The following GALNTL6 variants were observed in gnomAD, a reference collection of about 807,000 sequenced individuals.
The protein encoded by GALNTL6 is polypeptide N-acetylgalactosaminyltransferase-like 6.
GALNTL6 carries 46 observed loss-of-function variants against 73.7 expected under a neutral mutation model. That is an observed-to-expected ratio of 0.62 (90% confidence interval 0.49 to 0.80). The LOEUF (loss-of-function observed/expected upper bound fraction) is 0.80, where lower values mean the gene tolerates loss of function less well. Among genes scored for constraint, GALNTL6 ranks in the 30% least tolerant of loss-of-function variants. The pLI, the probability that GALNTL6 is intolerant of heterozygous loss-of-function variation, is 0.00. For missense variants in GALNTL6, 604 were observed against 755.0 expected (o/e 0.80, Z 2.34); for synonymous variants, 259 against 263.7 (o/e 0.98, Z 0.17).
chr4:172,378,091 C>T (rs554537152), intron 5 of GALNTL6, among the ~76,000 whole-genome samples: 3 of 152,342 alleles, frequency 2.0e-5, no homozygotes, highest in African/African-American at 7.2e-5. Flanking sequence ...CACGTTGTCA[C>T]CTCTCACTGT....
chr4:172,870,052 GTCATCATCA>G (rs55936018), intron 7 of GALNTL6, among the ~76,000 whole-genome samples: 6 of 143,054 alleles, frequency 4.2e-5, no homozygotes, highest in Admixed American at 7.1e-5. Flanking sequence ...GACCTTTACT[GTCATCATCA>G]TCATCATCAT....
chr4:171,947,243 C>A (rs10471196), intron 2 of GALNTL6, among the ~76,000 whole-genome samples: 2 of 152,000 alleles, frequency 1.3e-5, no homozygotes, highest in South Asian at 4.1e-4. Context: ...TTTAACTTGT[C>A]GATGTTAATA....
chr4:172,057,737 T>A (rs1442449844), intron 2 of GALNTL6, among the ~76,000 whole-genome samples: 22 of 136,470 alleles, frequency 1.6e-4, no homozygotes, highest in African/African-American at 5.4e-4. Flanking sequence ...AATATATATA[T>A]ATATATATAT....
chr4:172,553,941 G>A (rs1736053403), intron 5 of GALNTL6, among the ~76,000 whole-genome samples: 1 of 152,066 alleles, frequency 6.6e-6, no homozygotes, highest in Admixed American at 6.6e-5. Context: ...GTAGCAGGAG[G>A]ATCTCTTGAG....
intron 2 of GALNTL6, among the ~76,000 whole-genome samples, chr4:171,852,223 A>G (rs899367343): frequency 2.0e-5 from 3 of 152,240 alleles, no homozygotes; most frequent in Admixed American, 1.3e-4. Flanking sequence ...TCTGTGCTCC[A>G]TTTTTATTTG....
chr4:171,952,244 C>T (rs114982008), intron 2 of GALNTL6, among the ~76,000 whole-genome samples: 1,979 of 151,920 alleles, frequency 0.013, 47 homozygotes, highest in African/African-American at 0.046. Flanking sequence ...CTGATTAAAA[C>T]GGAGTCAAAA....
Position 172,087,722 on chromosome 4 carries a change from T to C in GALNTL6, c.139-141934T>C, listed in dbSNP as rs181770192. ...TTTTTACAAGGATTTTCTGTAAAGG[T>C]CCCCCTCAAAACATAAACAGTGATT... On this transcript the variant is annotated intron_variant, in intron 2 of 12. Transcript: ENST00000506823. Among the ~76,000 whole-genome samples the C allele has an allele frequency of 3.4e-5, 5 of 145,814 alleles. No homozygotes were observed. The East Asian group carries it at 8.0e-4, about 23-fold the overall frequency.
At chr4:171,833,158 T>G (rs1356919321) in intron 2 of GALNTL6, among the ~76,000 whole-genome samples, 1 of 151,780 alleles carries the variant, frequency 6.6e-6, no homozygotes, top group Admixed American at 6.6e-5. Flanking sequence ...GGTATAGTAT[T>G]AAAAGCAGCT....
At chr4:172,602,175 T>C (rs1738083121) in intron 5 of GALNTL6, among the ~76,000 whole-genome samples, 1 of 152,072 alleles carries the variant, frequency 6.6e-6, no homozygotes. Flanking sequence ...ACAAAGAGTG[T>C]TCATCACTAG....
At chr4:172,771,751 G>A (rs1160663083) in intron 5 of GALNTL6, among the ~76,000 whole-genome samples, 1 of 152,136 alleles carries the variant, frequency 6.6e-6, no homozygotes. Context: ...GTATATAGAT[G>A]TCTATGGGTT....
chr4:171,893,511 G>A (rs1736819433), intron 2 of GALNTL6, among the ~76,000 whole-genome samples: 3 of 152,026 alleles, frequency 2.0e-5, no homozygotes, highest in Admixed American at 2.0e-4. Context: ...ATACAATTAG[G>A]TTAATTTTTT....
chr4:172,157,463 C>A (rs531135400), intron 2 of GALNTL6, among the ~76,000 whole-genome samples: 7 of 152,264 alleles, frequency 4.6e-5, no homozygotes, highest in Non-Finnish European at 8.8e-5. Flanking sequence ...GGGAGGCAGC[C>A]TACACCAATG....
intron 12 of GALNTL6, among the ~76,000 whole-genome samples, chr4:173,031,042 A>G (rs552905866): frequency 1.1e-3 from 158 of 147,258 alleles, no homozygotes; most frequent in Non-Finnish European, 1.6e-3. Context: ...GAGAGAGCAC[A>G]GGCTCTGGCT....
intron 2 of GALNTL6, among the ~76,000 whole-genome samples, chr4:171,961,108 C>A (rs577729777): frequency 2.8e-4 from 42 of 152,152 alleles, no homozygotes; most frequent in Middle Eastern, 3.4e-3. Context: ...CTGAGGATAC[C>A]CCTGGCACAA....
At chr4:172,619,224 T>C (rs1260216907) in intron 5 of GALNTL6, among the ~76,000 whole-genome samples, 2 of 152,126 alleles carry the variant, frequency 1.3e-5, no homozygotes, top group Non-Finnish European at 2.9e-5. Flanking sequence ...AAGGAAAAGA[T>C]TCCTACGCGC....
intron 2 of GALNTL6, among the ~76,000 whole-genome samples, chr4:171,884,780 G>A (rs1736561358): frequency 6.6e-6 from 1 of 152,058 alleles, no homozygotes. Flanking sequence ...TTTAGGCTGG[G>A]CACAGTGGCT....
intron 7 of GALNTL6, among the ~76,000 whole-genome samples, chr4:172,850,441 T>C (rs997980585): frequency 3.9e-5 from 6 of 152,180 alleles, no homozygotes; most frequent in Admixed American, 3.9e-4. Context: ...TCCTAAAACA[T>C]ATGTGTATTA....
At position 171,958,600 on chromosome 4, in the gene GALNTL6, C is replaced by T. The variant is rs186162754; in HGVS notation, c.138+143882C>T. Among the ~76,000 whole-genome samples the T allele has an allele frequency of 7.5e-3, 1,141 of 152,092 alleles. 16 individuals are homozygous for T. Among genetic ancestry groups the T allele is most frequent in the African/African-American group, 0.026 (1,079 of 41,526 alleles). ...AATTTCAATGGTCACAATTCACTGT[C>T]AATGTTAAATATAAATACTTTTTTA... is the stretch of plus-strand genomic sequence containing the variant. On this transcript the variant is annotated intron_variant, in intron 2 of 12. Transcript: ENST00000506823.
At chr4:172,953,872 T>C (rs1007675715) in intron 10 of GALNTL6, among the ~76,000 whole-genome samples, 3 of 152,268 alleles carry the variant, frequency 2.0e-5, no homozygotes, top group Non-Finnish European at 4.4e-5. Flanking sequence ...TGTATTAATT[T>C]AACTGTCTAC....
Sources: allele counts gnomAD v4.1 joint callset (sites outside exome capture counted in the v4.1 genomes callset), GRCh38; gene constraint gnomAD v4.1.1; transcripts MANE v1.5; gene names NCBI Gene and HGNC (gene_info 2026-07-23, HGNC 2026-07-21).